Variants in GMEB2 observed in about 807,000 individuals in gnomAD.
GMEB2 encodes the protein glucocorticoid modulatory element-binding protein 2.
GMEB2 carries 7 observed loss-of-function variants against 45.7 expected under a neutral mutation model. The observed-to-expected ratio is 0.15, with a 90% CI of 0.09 to 0.29. GMEB2 has a LOEUF of 0.29. GMEB2 is among the 10% of genes least tolerant of loss of function. GMEB2 has a pLI of 1.00. For missense variants in GMEB2, 582 were observed against 739.2 expected (o/e 0.79, Z 2.47); for synonymous variants, 322 against 323.6 (o/e 1.00, Z 0.05).
intron 2 of GMEB2, among the ~76,000 whole-genome samples, chr20:63,607,338 T>C (rs34542922): frequency 0.015 from 274 of 18,770 alleles, 3 homozygotes; most frequent in Non-Finnish European, 0.028. Flanking sequence ...CCCTCTGACC[T>C]CACCTCCATT....
chr20:63,590,398 G>C lies in GMEB2; in HGVS notation c.1284C>G (p.Leu428=), dbSNP rs758687062. ...PPASSPASPL[L]GGYTVLASSG... ...AAGAGGCCAAGACTGTGTATCCCCCGAGCAGCGGGGAGGCCGGGGAGCTGG... is the reference window on the plus strand; with the variant it reads ...AAGAGGCCAAGACTGTGTATCCCCCCAGCAGCGGGGAGGCCGGGGAGCTGG... Residue 428 remains leucine, a synonymous_variant, in exon 10 of 10, where the codon CTC becomes CTG. Coordinates refer to ENST00000370077, the MANE Select transcript of GMEB2 (RefSeq NM_012384.5). The C allele has an allele frequency of 3.8e-6, 6 of 1,583,758 alleles. No individual in the cohort carries two copies. The highest frequency in any genetic ancestry group is 5.2e-6 in the Non-Finnish European group (6 of 1,159,396).
In GMEB2 at chr20:63,590,009, G is replaced by A. The variant is rs1454379525; in HGVS notation, c.*80C>T. ...TGACCCACCTGCCCGAGCCAGCCCT[G>A]CGGCCTCTGCCCGCTCCCTGCTGCC... On this transcript the variant is annotated 3_prime_UTR_variant, in exon 10 of 10. Transcript: ENST00000370077. 2.3e-6 allele frequency: 3 copies of A among 1,306,680 alleles called. No individual in the cohort carries two copies. Among genetic ancestry groups the A allele is most frequent in the Non-Finnish European group, 3.1e-6 (3 of 979,396 alleles). The allele number at this position is 1,306,680 out of a possible 1,614,324, so 80.9% of individuals were successfully genotyped here.
At chr20:63,605,526 T>TA (rs11306158) in intron 2 of GMEB2, among the ~76,000 whole-genome samples, 1,587 of 128,318 alleles carry the variant, frequency 0.012, 35 homozygotes, top group African/African-American at 0.041. Flanking sequence ...CCGTCAAAAT[T>TA]AAAAAAAAAA....
At chr20:63,613,664 G>A (rs1340634467) in intron 2 of GMEB2, among the ~76,000 whole-genome samples, 1 of 151,812 alleles carries the variant, frequency 6.6e-6, no homozygotes, top group Non-Finnish European at 1.5e-5. Flanking sequence ...ACAGGCGCCC[G>A]CCACCACGCC....
chr20:63,588,153 A>G lies in GMEB2; in HGVS notation c.*1936T>C, dbSNP rs1011891216. On this transcript the variant is annotated 3_prime_UTR_variant, in exon 10 of 10. Transcript: ENST00000370077. Reference sequence around the variant, plus strand: ...TGGCTTATTTTTGTATGGCTCTGAAATTAACTTCCTCTCCCTATGCCTCAG... The same window carrying G: ...TGGCTTATTTTTGTATGGCTCTGAAGTTAACTTCCTCTCCCTATGCCTCAG... 6.6e-6 allele frequency: 1 copy of G among 152,408 alleles called. No homozygotes were observed. Among genetic ancestry groups the G allele is most frequent in the Non-Finnish European group, 1.5e-5 (1 of 68,060 alleles). The allele number at this position is 152,408 out of a possible 1,614,324, so 9.4% of individuals were successfully genotyped here.
At chr20:63,626,810 CCCGCGCGG>C (rs1022670419) in intron 1 of GMEB2, 138 bp downstream of exon 1, 1 of 147,032 alleles carries the variant, frequency 6.8e-6, no homozygotes, top group Non-Finnish European at 1.5e-5. Context: ...GACGCCGCCG[CCCGCGCGG>C]CCGCCCCTCC....
At chr20:63,604,422 T>C (rs2089502666) in intron 3 of GMEB2, among the ~76,000 whole-genome samples, 1 of 152,094 alleles carries the variant, frequency 6.6e-6, no homozygotes, top group African/African-American at 2.4e-5. Context: ...ATCGTTATAA[T>C]AAACAGACAC....
intron 5 of GMEB2, among the ~76,000 whole-genome samples, chr20:63,597,534 C>G (rs1356173891): frequency 6.6e-6 from 1 of 152,190 alleles, no homozygotes; most frequent in Non-Finnish European, 1.5e-5. Flanking sequence ...ATTAAAATGA[C>G]TGACAAAACA....
chr20:63,609,542 C>T (rs76118001), intron 2 of GMEB2, among the ~76,000 whole-genome samples: 3 of 29,692 alleles, frequency 1.0e-4, no homozygotes, highest in Non-Finnish European at 4.0e-4. Context: ...TAGAAACATG[C>T]CCCTCTGACC....
chr20:63,624,206 C>T (rs375413028), intron 1 of GMEB2, among the ~76,000 whole-genome samples: 3 of 150,286 alleles, frequency 2.0e-5, no homozygotes, highest in Non-Finnish European at 4.4e-5. Context: ...CACCTGAGGT[C>T]AGGAATTCAA....
intron 1 of GMEB2, 146 bp downstream of exon 1, chr20:63,626,809 GC>G (rs1461801997): frequency 6.8e-6 from 1 of 146,614 alleles, no homozygotes; most frequent in African/African-American, 2.5e-5. Context: ...TGACGCCGCC[GC>G]CCGCGCGGCC....
At chr20:63,601,991 G>A (rs2083245797) in intron 4 of GMEB2, among the ~76,000 whole-genome samples, 1 of 151,756 alleles carries the variant, frequency 6.6e-6, no homozygotes, top group Non-Finnish European at 1.5e-5. Context: ...TGTGGGGCCT[G>A]TGGCTTCTGT....
intron 2 of GMEB2, among the ~76,000 whole-genome samples, chr20:63,609,584 A>AC (rs397949208): frequency 6.8e-4 from 5 of 7,360 alleles, no homozygotes; most frequent in Non-Finnish European, 2.1e-3. Flanking sequence ...TGCCCCTCTG[A>AC]CCCACCTCCA....
intron 1 of GMEB2, among the ~76,000 whole-genome samples, chr20:63,626,102 G>A (rs1371299195): frequency 7.9e-5 from 12 of 151,962 alleles, no homozygotes; most frequent in Admixed American, 4.6e-4. Context: ...AATCAGCTCC[G>A]ACCAACAGGG....
chr20:63,597,865 GGGGGA>G lies in GMEB2; in HGVS notation c.358-10_358-6del. On this transcript the variant is annotated splice_polypyrimidine_tract_variant and splice_region_variant and intron_variant, in intron 4 of 9. Transcript: ENST00000370077. Reference sequence around the variant, plus strand: ...GCTGATTACATGCTCGTCGTACTGTGGGGGACACAGTCATGTGGGTCAAGCTTGGC... The same window carrying G: ...GCTGATTACATGCTCGTCGTACTGTGCACAGTCATGTGGGTCAAGCTTGGC... The G allele has an allele frequency of 6.5e-7, 1 of 1,542,640 alleles. No homozygotes were observed. Among genetic ancestry groups the G allele is most frequent in the Non-Finnish European group, 9.0e-7 (1 of 1,114,966 alleles).
At position 63,588,883 on chromosome 20, in the gene GMEB2, T is replaced by C. The variant is rs2083117915; in HGVS notation, c.*1206A>G. 1 of 398,548 alleles carries C rather than the reference T, an allele frequency of 2.5e-6. No homozygotes were observed. Among genetic ancestry groups the C allele is most frequent in the African/African-American group, 2.1e-5 (1 of 48,692 alleles). The allele number at this position is 398,548 out of a possible 1,614,324, so 24.7% of individuals were successfully genotyped here. A position where few individuals can be genotyped will look rare whatever the true frequency, so the allele number is the denominator to read the frequency against. ...GGAGGGGCCTCAGCCTGGTCTTCCT[T>C]GTGAGTCCAAGGCCAGGTCTCAGGA... On this transcript the variant is annotated 3_prime_UTR_variant, in exon 10 of 10. Coordinates refer to ENST00000370077, the MANE Select transcript of GMEB2 (RefSeq NM_012384.5).
intron 5 of GMEB2, among the ~76,000 whole-genome samples, chr20:63,596,315 TGA>T (rs1215559688): frequency 6.6e-6 from 1 of 152,238 alleles, no homozygotes; most frequent in African/African-American, 2.4e-5. Context: ...CCCAAACTGC[TGA>T]GAGCCGCCCT....
intron 1 of GMEB2, among the ~76,000 whole-genome samples, chr20:63,622,403 A>G (rs1040345302): frequency 2.6e-5 from 4 of 152,122 alleles, no homozygotes; most frequent in African/African-American, 9.7e-5. Context: ...AAACTGAACA[A>G]TCGATCACAA....
intron 3 of GMEB2, among the ~76,000 whole-genome samples, 163 bp downstream of exon 3, chr20:63,604,579 TG>T (rs974328614): frequency 4.3e-4 from 65 of 152,312 alleles, no homozygotes; most frequent in African/African-American, 1.5e-3. Flanking sequence ...AGGTTCCACC[TG>T]GGGGACCTGG....
Sources: gnomAD v4.1 joint callset for allele counts (sites outside exome capture counted in the v4.1 genomes callset) on GRCh38, gnomAD v4.1.1 for gene constraint, MANE v1.5 for transcripts, NCBI Gene and HGNC (gene_info 2026-07-23, HGNC 2026-07-21) for gene names.